Variants in LRRTM4 observed in about 807,000 individuals in gnomAD.
LRRTM4 encodes the protein leucine-rich repeat transmembrane neuronal protein 4.
Under a neutral mutation model 47.6 loss-of-function variants are expected in LRRTM4, and 25 were observed. The ratio of observed to expected loss-of-function variants is 0.53; its 90% CI spans 0.38 to 0.73. The LOEUF (loss-of-function observed/expected upper bound fraction) is 0.73, where lower values mean the gene tolerates loss of function less well. Ranked by LOEUF, LRRTM4 falls within the 30% of genes least tolerant of loss-of-function variation. The pLI, the probability that LRRTM4 is intolerant of heterozygous loss-of-function variation, is 0.00. For synonymous variants in LRRTM4, 311 were observed against 269.5 expected, an observed-to-expected ratio of 1.15 and a Z score of -1.51; for missense variants, 638 against 713.4, an observed-to-expected ratio of 0.89 and a Z score of 1.20.
At position 77,070,108 on chromosome 2, in the gene LRRTM4, C is replaced by A. The variant is rs535934033; in HGVS notation, c.1552-321192G>T. The stretch of plus-strand genomic sequence containing the variant: ...ATGAATGAGCTATCGCGTGCTTCTG[C>A]TTTTTCCAGAATGCAGGCTATTTTA... On this transcript the variant is annotated intron_variant, in intron 3 of 3. Transcript: ENST00000409884. 1.8e-4 allele frequency among the ~76,000 whole-genome samples: 28 copies of A among 152,068 alleles called. No individual in the cohort carries two copies. In the South Asian group the frequency reaches 5.6e-3, roughly 30 times the overall value.
rs763973341 is a variant in LRRTM4 at position 77,519,203 on chromosome 2, A to G, written c.666T>C (p.Phe222=). 6.5e-5 allele frequency: 105 copies of G among 1,613,248 alleles called. No homozygotes were observed. Among genetic ancestry groups the G allele is most frequent in the Non-Finnish European group, 8.7e-5 (103 of 1,179,624 alleles). ...GGTTGAAGAGACGTGGAAAATGAGC[A>G]AAGTTGATCTTGGAAAACTGGTTGT... ...LEHNQFSKIN[F]AHFPRLFNLR... Residue 222 remains phenylalanine (F), a synonymous_variant, in exon 3 of 4, where the codon TTT becomes TTC. Coordinates refer to ENST00000409884, the MANE Select transcript of LRRTM4 (RefSeq NM_001134745.3). This position sits in a 1 kb window ranked among gnomAD's most constrained non-coding sequence, Gnocchi z 4.6.
At chr2:77,478,002 T>C (rs1677505878) in intron 3 of LRRTM4, among the ~76,000 whole-genome samples, 1 of 152,010 alleles carries the variant, frequency 6.6e-6, no homozygotes, top group Non-Finnish European at 1.5e-5. Flanking sequence ...CAATTATTGC[T>C]AATTTCATCT....
At chr2:76,816,555 T>G (rs12613796) in intron 3 of LRRTM4, among the ~76,000 whole-genome samples, 3 of 151,854 alleles carry the variant, frequency 2.0e-5, no homozygotes, top group African/African-American at 4.8e-5. Flanking sequence ...TTTTTATTTA[T>G]TTTTTATTTT....
Position 77,522,189 on chromosome 2 carries a change from T to C in LRRTM4, c.-228A>G, listed in dbSNP as rs1679542271. The C allele has an allele frequency of 2.8e-6, 2 of 712,550 alleles. No individual in the cohort carries two copies. The highest frequency in any genetic ancestry group is 2.7e-5 in the East Asian group (1 of 37,084). 44.1% of individuals were successfully genotyped at this position (712,550 alleles called of 1,614,324 possible). A position where few individuals can be genotyped will look rare whatever the true frequency, so the allele number is the denominator to read the frequency against. ...CTGGATTTTCAGTTCTTGAAGCAAGTAGGCCTCCTGTGCTGTATGAGACCC... is the reference window on the plus strand; with the variant it reads ...CTGGATTTTCAGTTCTTGAAGCAAGCAGGCCTCCTGTGCTGTATGAGACCC... On this transcript the variant is annotated 5_prime_UTR_variant, in exon 1 of 4. Transcript: ENST00000409884.
At chr2:76,846,505 C>T (rs1235990265) in intron 3 of LRRTM4, among the ~76,000 whole-genome samples, 1 of 152,138 alleles carries the variant, frequency 6.6e-6, no homozygotes, top group Non-Finnish European at 1.5e-5. Context: ...CTGTTAGAAT[C>T]TTTCAATATC....
intron 3 of LRRTM4, among the ~76,000 whole-genome samples, chr2:77,081,029 T>C (rs1462523692): frequency 6.6e-6 from 1 of 152,204 alleles, no homozygotes; most frequent in Non-Finnish European, 1.5e-5. Context: ...CTTGCTTTAA[T>C]TGCAATTTCT....
chr2:76,825,329 T>G (rs989731986), intron 3 of LRRTM4, among the ~76,000 whole-genome samples: 1 of 151,636 alleles, frequency 6.6e-6, no homozygotes, highest in Non-Finnish European at 1.5e-5. Context: ...TAATGGCTGG[T>G]TGAAATATTC....
In LRRTM4 at chr2:77,016,419, G is replaced by A. The variant is rs1678073651; in HGVS notation, c.1552-267503C>T. Among the ~76,000 whole-genome samples the A allele has an allele frequency of 2.0e-5, 3 of 151,596 alleles. No homozygotes were observed. The South Asian group carries it at 6.2e-4, about 32-fold the overall frequency. On this transcript the variant is annotated intron_variant, in intron 3 of 3. Coordinates refer to ENST00000409884, the MANE Select transcript of LRRTM4 (RefSeq NM_001134745.3). ...AAAAAAAGAGTGAGGAAGAAGATGG[G>A]CAAAAGAAACAAGTTCTGATTGCTG...
intron 3 of LRRTM4, among the ~76,000 whole-genome samples, chr2:77,386,652 T>C (rs2103804790): frequency 6.6e-6 from 1 of 152,162 alleles, no homozygotes; most frequent in East Asian, 1.9e-4. Context: ...GTATTTCTGG[T>C]TTTAGATCCT....
chr2:77,045,220 T>C (rs1679194518), intron 3 of LRRTM4, among the ~76,000 whole-genome samples: 1 of 150,788 alleles, frequency 6.6e-6, no homozygotes, highest in Non-Finnish European at 1.5e-5. Context: ...TTTAAATGTT[T>C]GTTACAAAAC....
intron 3 of LRRTM4, among the ~76,000 whole-genome samples, chr2:76,877,097 C>T (rs1672799638): frequency 6.6e-6 from 1 of 151,996 alleles, no homozygotes; most frequent in African/African-American, 2.4e-5. Context: ...CCTATAAATG[C>T]TAGCTCTTAA....
At chr2:77,062,669 C>CTG (rs1249612362) in intron 3 of LRRTM4, among the ~76,000 whole-genome samples, 1 of 151,878 alleles carries the variant, frequency 6.6e-6, no homozygotes, top group Non-Finnish European at 1.5e-5. Context: ...CCTTTTTTTT[C>CTG]TCTCTGTCTC....
chr2:77,451,944 G>A (rs1573433854), intron 3 of LRRTM4, among the ~76,000 whole-genome samples: 1 of 152,216 alleles, frequency 6.6e-6, no homozygotes, highest in East Asian at 1.9e-4. Flanking sequence ...GGTGTTTAAA[G>A]GTAAAATTAC....
chr2:77,067,935 T>C (rs1446601099), intron 3 of LRRTM4, among the ~76,000 whole-genome samples: 1 of 152,150 alleles, frequency 6.6e-6, no homozygotes, highest in African/African-American at 2.4e-5. Flanking sequence ...TCATGACATT[T>C]CTTAAAGTAT....
intron 3 of LRRTM4, among the ~76,000 whole-genome samples, chr2:77,179,635 A>T (rs1464311554): frequency 6.6e-6 from 1 of 152,128 alleles, no homozygotes; most frequent in African/African-American, 2.4e-5. Context: ...TACTCTATTA[A>T]AAAAATTAGA....
intron 3 of LRRTM4, among the ~76,000 whole-genome samples, chr2:77,044,775 C>T (rs552661746): frequency 5.2e-4 from 79 of 151,522 alleles, no homozygotes; most frequent in Non-Finnish European, 1.0e-3. Context: ...TCTACACATA[C>T]ATATGTATAG....
intron 3 of LRRTM4, among the ~76,000 whole-genome samples, chr2:77,314,886 T>G (rs747931373): frequency 6.6e-6 from 1 of 152,160 alleles, no homozygotes; most frequent in Non-Finnish European, 1.5e-5. Context: ...AGCCAAAGCT[T>G]CCAGCTAGCC....
At chr2:77,386,871 T>C (rs1673300244) in intron 3 of LRRTM4, among the ~76,000 whole-genome samples, 2 of 152,010 alleles carry the variant, frequency 1.3e-5, no homozygotes, top group African/African-American at 4.8e-5. Context: ...GGGTTGATAG[T>C]GCAGCAAACC....
chr2:76,911,871 G>C (rs933833554), intron 3 of LRRTM4, among the ~76,000 whole-genome samples: 3 of 139,928 alleles, frequency 2.1e-5, no homozygotes, highest in Non-Finnish European at 3.0e-5. Flanking sequence ...TGTGTGTGTA[G>C]CTTGAAATTC....
Sources: gnomAD v4.1 joint callset for allele counts (sites outside exome capture counted in the v4.1 genomes callset) on GRCh38, gnomAD v4.1.1 for gene constraint, Gnocchi (gnomAD v3.1) non-coding constraint, MANE v1.5 for transcripts, NCBI Gene and HGNC (gene_info 2026-07-23, HGNC 2026-07-21) for gene names.